SEMA6D: variants seen among roughly 807,000 people sequenced by gnomAD.
SEMA6D encodes semaphorin 6D.
In SEMA6D, 35 loss-of-function variants were observed where a neutral mutation model predicts 106.6. That is an observed-to-expected ratio of 0.33 (90% CI 0.25 to 0.44). The LOEUF is 0.44. Among genes scored for constraint, SEMA6D ranks in the 20% least tolerant of loss-of-function variants. The pLI, the probability that SEMA6D is intolerant of heterozygous loss-of-function variation, is 1.00. For synonymous variants in SEMA6D, 499 were observed against 487.7 expected (o/e 1.02, Z -0.31); for missense variants, 1,185 against 1,345.9 (o/e 0.88, Z 1.87).
intron 4 of SEMA6D, among the ~76,000 whole-genome samples, chr15:47,621,526 A>G (rs1487032900): frequency 1.3e-5 from 2 of 152,102 alleles, no homozygotes; most frequent in Non-Finnish European, 2.9e-5. Context: ...GTTTGGGGCT[A>G]TGGGCAATTT....
intron 1 of SEMA6D, among the ~76,000 whole-genome samples, chr15:47,263,162 A>G (rs1417595664): frequency 6.6e-6 from 1 of 152,222 alleles, no homozygotes; most frequent in Non-Finnish European, 1.5e-5. Flanking sequence ...TGAAGATGCC[A>G]AAAGCAGTTG....
chr15:47,525,232 A>G (rs1393574565), intron 3 of SEMA6D: 1 of 152,242 alleles, frequency 6.6e-6, no homozygotes, highest in East Asian at 1.9e-4. Context: ...CCTCAAGGGT[A>G]GCAAGAATAA....
At position 47,211,221 on chromosome 15, in the gene SEMA6D, A is replaced by G. The variant is rs867808205; in HGVS notation, c.-239+26803A>G. ...CGTTCAAATTTACAGTTTTCTGAAA[A>G]AAATTATATAGCATGCGTACACTTG... is the stretch of plus-strand genomic sequence containing the variant. On this transcript the variant is annotated intron_variant, in intron 1 of 19. Transcript: ENST00000558014. Among the ~76,000 whole-genome samples, 30 of 152,234 alleles carry G rather than the reference A, an allele frequency of 2.0e-4. No homozygotes were observed. The South Asian group carries it at 5.0e-3, about 25-fold the overall frequency.
intron 4 of SEMA6D, among the ~76,000 whole-genome samples, chr15:47,702,800 T>A (rs143583773): frequency 9.9e-5 from 15 of 152,230 alleles, no homozygotes; most frequent in African/African-American, 3.6e-4. Context: ...AATATGACAT[T>A]CTGGAAAAGG....
intron 4 of SEMA6D, among the ~76,000 whole-genome samples, chr15:47,697,733 A>G (rs1202773970): frequency 1.3e-5 from 2 of 152,246 alleles, no homozygotes; most frequent in East Asian, 1.9e-4. Context: ...ATCTAATTCC[A>G]TCACTGATTA....
chr15:47,249,988 G>T (rs917188225), intron 1 of SEMA6D, among the ~76,000 whole-genome samples: 1 of 152,096 alleles, frequency 6.6e-6, no homozygotes, highest in African/African-American at 2.4e-5. Context: ...ACAAAATAAG[G>T]TGGTATTTCA....
At chr15:47,307,806 T>C (rs2143008898) in intron 1 of SEMA6D, among the ~76,000 whole-genome samples, 1 of 152,342 alleles carries the variant, frequency 6.6e-6, no homozygotes, top group Non-Finnish European at 1.5e-5. Context: ...TGACTGACTG[T>C]TACTTGCAGA....
At chr15:47,718,258 G>A (rs769690641) in intron 1 of SEMA6D, among the ~76,000 whole-genome samples, 13 of 152,200 alleles carry the variant, frequency 8.5e-5, no homozygotes, top group Non-Finnish European at 1.9e-4. Flanking sequence ...GCGGACGCTG[G>A]GACGCCCGGG....
At chr15:47,715,586 T>C (rs1331653514), upstream of SEMA6D, among the ~76,000 whole-genome samples, 3 of 152,166 alleles carry the variant, frequency 2.0e-5, no homozygotes, top group Non-Finnish European at 4.4e-5. Flanking sequence ...AAGTCTTCAC[T>C]GATAATGTAG....
Position 47,678,808 on chromosome 15 carries a change from T to A in SEMA6D, c.-55+77912T>A, listed in dbSNP as rs898358923. ...ATTTGTGTTATTTAATATTTATATA[T>A]TGTATTTGTATCATATTTTATTTGA... On this transcript the variant is annotated intron_variant, in intron 4 of 19. Transcript: ENST00000558014. 5.9e-5 allele frequency among the ~76,000 whole-genome samples: 9 copies of A among 152,312 alleles called. No homozygotes were observed. The South Asian group carries it at 8.3e-4, about 14-fold the overall frequency.
intron 1 of SEMA6D, among the ~76,000 whole-genome samples, chr15:47,734,472 CA>C (rs940635085): frequency 6.6e-6 from 1 of 152,124 alleles, no homozygotes; most frequent in African/African-American, 2.4e-5. Flanking sequence ...CTTTTATTTA[CA>C]CAGGGCCCTG....
At chr15:47,247,122 T>A (rs1477920296) in intron 1 of SEMA6D, among the ~76,000 whole-genome samples, 1 of 152,176 alleles carries the variant, frequency 6.6e-6, no homozygotes, top group Non-Finnish European at 1.5e-5. Context: ...AAATATAAGA[T>A]CCAGTCTTTA....
chr15:47,582,436 G>A (rs2076270563), intron 3 of SEMA6D, among the ~76,000 whole-genome samples: 1 of 152,194 alleles, frequency 6.6e-6, no homozygotes, highest in Non-Finnish European at 1.5e-5. Flanking sequence ...CTTGACAATA[G>A]GCTAAATGCC....
chr15:47,761,047 C>A lies in SEMA6D; in HGVS notation c.282+9C>A, dbSNP rs575200196. 6.2e-7 allele frequency: 1 copy of A among 1,613,204 alleles called. No homozygotes were observed. Among genetic ancestry groups the A allele is most frequent in the Non-Finnish European group, 8.5e-7 (1 of 1,179,456 alleles). On this transcript the variant is annotated intron_variant, in intron 4 of 18. Coordinates refer to ENST00000536845, the MANE Select transcript of SEMA6D (RefSeq NM_001358351.3). ...AAGTAATACCCAACAAGGTGAGCAA[C>A]TGTAGTTGGCAAATTTATTTACCTT...
At chr15:47,418,209 A>C (rs1387659148) in intron 2 of SEMA6D, among the ~76,000 whole-genome samples, 2 of 152,114 alleles carry the variant, frequency 1.3e-5, no homozygotes. Context: ...AGATTGTTCT[A>C]GGCAGAGAGA....
At chr15:47,236,948 G>A (rs1396251495) in intron 1 of SEMA6D, among the ~76,000 whole-genome samples, 2 of 152,114 alleles carry the variant, frequency 1.3e-5, no homozygotes, top group African/African-American at 2.4e-5. Context: ...GGCCTAGGTT[G>A]CAAGCAAGAG....
chr15:47,593,375 C>A (rs190491817), intron 3 of SEMA6D, among the ~76,000 whole-genome samples: 1 of 135,570 alleles, frequency 7.4e-6, no homozygotes, highest in East Asian at 2.3e-4. Context: ...CACTGCACTC[C>A]GGCCTGGGCG....
At chr15:47,256,978 TG>T (rs2033835467) in intron 1 of SEMA6D, among the ~76,000 whole-genome samples, 1 of 152,184 alleles carries the variant, frequency 6.6e-6, no homozygotes, top group Non-Finnish European at 1.5e-5. Context: ...CCAATCAATA[TG>T]ATTTTATTTA....
rs2082735404 is a variant in SEMA6D, at chr15:47,773,929, A to G, written c.*2144A>G. On this transcript the variant is annotated 3_prime_UTR_variant, in exon 19 of 19. Coordinates refer to ENST00000536845, the MANE Select transcript of SEMA6D (RefSeq NM_001358351.3). ...ACATTGTGCTTCCTTGTAGTTTGTAATGTGAGTTCAATCAGTATTTATGTT... is the reference window on the plus strand; with the variant it reads ...ACATTGTGCTTCCTTGTAGTTTGTAGTGTGAGTTCAATCAGTATTTATGTT... 6.6e-6 allele frequency: 1 copy of G among 152,650 alleles called. No homozygotes were observed. Among genetic ancestry groups the G allele is most frequent in the African/African-American group, 2.4e-5 (1 of 41,466 alleles). 9.5% of individuals were successfully genotyped at this position (152,650 alleles called of 1,614,324 possible).
Sources: gnomAD v4.1 joint callset for allele counts (sites outside exome capture counted in the v4.1 genomes callset) on GRCh38, gnomAD v4.1.1 for gene constraint, MANE v1.5 for transcripts, NCBI Gene and HGNC (gene_info 2026-07-23, HGNC 2026-07-21) for gene names.